Variants in GALNT13 observed in about 807,000 individuals in gnomAD.
The protein encoded by GALNT13 is UDP-GalNAc:polypeptide N-acetylgalactosaminyltransferase 13.
A neutral mutation model predicts 64.2 loss-of-function variants in GALNT13; 28 were observed. The observed-to-expected ratio is 0.44, with a 90% CI of 0.32 to 0.60. The LOEUF is 0.60. Among genes scored for constraint, GALNT13 ranks in the 20% least tolerant of loss-of-function variants. The probability of loss-of-function intolerance (pLI) is 0.05; values close to 1 mark genes in which losing one functional copy is unlikely to be tolerated. For synonymous variants in GALNT13, 214 were observed against 224.6 expected, an observed-to-expected ratio of 0.95 and a Z score of 0.42; for missense variants, 577 against 669.8, an observed-to-expected ratio of 0.86 and a Z score of 1.53.
At chr2:153,718,914 C>G in the GALNT13 span, among the ~76,000 whole-genome samples, 1 of 152,094 alleles carries the variant, frequency 6.6e-6, no homozygotes, top group Non-Finnish European at 1.5e-5. Context: ...CACTACATGT[C>G]TAATTAAACA....
At chr2:154,313,376 A>G (rs1253875519) in intron 9 of GALNT13, among the ~76,000 whole-genome samples, 1 of 148,088 alleles carries the variant, frequency 6.8e-6, no homozygotes, top group Non-Finnish European at 1.5e-5. Flanking sequence ...CTAGATATCT[A>G]TATACACTAT....
the GALNT13 span, among the ~76,000 whole-genome samples, chr2:153,565,767 A>G: frequency 6.6e-6 from 1 of 152,202 alleles, no homozygotes; most frequent in Non-Finnish European, 1.5e-5. Context: ...TATATACCCA[A>G]GTATGCACGT....
At chr2:154,046,950 T>A (rs74445691) in intron 3 of GALNT13, among the ~76,000 whole-genome samples, 4 of 146,620 alleles carry the variant, frequency 2.7e-5, no homozygotes, top group Non-Finnish European at 6.0e-5. Flanking sequence ...TTTTTTTTTT[T>A]ATGTCTGTCA....
intron 2 of GALNT13, among the ~76,000 whole-genome samples, chr2:153,941,222 C>G (rs1163548936): frequency 2.0e-5 from 3 of 152,136 alleles, no homozygotes; most frequent in East Asian, 3.9e-4. Flanking sequence ...TCTTGAACTT[C>G]TGACCTCAGA....
At chr2:153,993,112 T>C (rs1436114116) in intron 3 of GALNT13, among the ~76,000 whole-genome samples, 1 of 152,158 alleles carries the variant, frequency 6.6e-6, no homozygotes, top group East Asian at 1.9e-4. Flanking sequence ...TTACGACTAA[T>C]ATATTTTATA....
chr2:153,114,456 C>T, the GALNT13 span, among the ~76,000 whole-genome samples: 1 of 152,240 alleles, frequency 6.6e-6, no homozygotes, highest in South Asian at 2.1e-4. Flanking sequence ...GGAGTAGAAA[C>T]TATTGACTAA....
At chr2:153,892,852 C>G (rs1026811384) in intron 1 of GALNT13, among the ~76,000 whole-genome samples, 2 of 152,066 alleles carry the variant, frequency 1.3e-5, no homozygotes, top group African/African-American at 4.8e-5. Context: ...TAGCCAAATA[C>G]TCATTAAACC....
the GALNT13 span, among the ~76,000 whole-genome samples, chr2:153,657,828 A>G: frequency 6.6e-6 from 1 of 152,230 alleles, no homozygotes; most frequent in Admixed American, 6.6e-5. Flanking sequence ...CTGGGCTCTT[A>G]TTATCCCTTC....
rs529888276 is a variant in GALNT13 at position 153,981,364 on chromosome 2, C to T, written c.142+36725C>T. On this transcript the variant is annotated intron_variant, in intron 3 of 12. Coordinates refer to ENST00000392825, the MANE Select transcript of GALNT13 (RefSeq NM_052917.4). ...TATATCTCCTGATGCTATCCCTCCC[C>T]ACTCTGCCCACCCCATAACAGGCCC... Among the ~76,000 whole-genome samples, 15 of 152,218 alleles carry T rather than the reference C, an allele frequency of 9.9e-5. No homozygotes were observed. In the East Asian group the frequency reaches 1.7e-3, roughly 18 times the overall value.
the GALNT13 span, among the ~76,000 whole-genome samples, chr2:153,170,039 T>C: frequency 6.6e-6 from 1 of 152,208 alleles, no homozygotes; most frequent in Non-Finnish European, 1.5e-5. Context: ...GTATGAGTAA[T>C]TACAACTATT....
intron 3 of GALNT13, among the ~76,000 whole-genome samples, chr2:154,056,428 T>G (rs1699896498): frequency 6.6e-6 from 1 of 152,200 alleles, no homozygotes; most frequent in Admixed American, 6.5e-5. Flanking sequence ...ATGTAGTTAA[T>G]ACATTAGCTG....
chr2:154,191,507 A>G (rs968599346), intron 4 of GALNT13, among the ~76,000 whole-genome samples: 1 of 152,222 alleles, frequency 6.6e-6, no homozygotes, highest in African/African-American at 2.4e-5. Flanking sequence ...TCAGAGGGGT[A>G]ACATTTTATT....
At chr2:153,188,123 A>G in the GALNT13 span, among the ~76,000 whole-genome samples, 1 of 152,052 alleles carries the variant, frequency 6.6e-6, no homozygotes, top group African/African-American at 2.4e-5. Flanking sequence ...AATAGTAAAT[A>G]TTGTTTCCTT....
the GALNT13 span, among the ~76,000 whole-genome samples, chr2:153,211,769 C>T: frequency 6.6e-6 from 1 of 152,100 alleles, no homozygotes; most frequent in Non-Finnish European, 1.5e-5. Context: ...GCTTGGGAAG[C>T]ACTAGCTGAG....
At chr2:153,627,294 A>C in the GALNT13 span, among the ~76,000 whole-genome samples, 1 of 152,094 alleles carries the variant, frequency 6.6e-6, no homozygotes, top group Non-Finnish European at 1.5e-5. Context: ...AATATTAAAA[A>C]TTTCTGGTAT....
At chr2:154,087,358 A>G (rs189882275) in intron 3 of GALNT13, among the ~76,000 whole-genome samples, 10 of 152,082 alleles carry the variant, frequency 6.6e-5, no homozygotes, top group Admixed American at 1.3e-4. Flanking sequence ...TTAACCGAAG[A>G]CATGTTTGTA....
At chr2:153,868,713 G>A (rs1417812962), upstream of GALNT13, among the ~76,000 whole-genome samples, 1 of 152,126 alleles carries the variant, frequency 6.6e-6, no homozygotes. Context: ...CTGTAGCTAA[G>A]GCCCTATACA....
At chr2:153,398,088 A>G in the GALNT13 span, among the ~76,000 whole-genome samples, 5 of 105,520 alleles carry the variant, frequency 4.7e-5, no homozygotes, top group South Asian at 1.1e-3. Context: ...CTACCCCACA[A>G]CAGTCCCCAG....
intron 3 of GALNT13, 55 bp from the exon 4 acceptor site, chr2:154,140,282 T>A: frequency 1.6e-6 from 2 of 1,286,978 alleles, no homozygotes; most frequent in Non-Finnish European, 2.2e-6. Context: ...GTTTATTTAT[T>A]CAGTTCATTA....
Sources: allele counts gnomAD v4.1 joint callset (sites outside exome capture counted in the v4.1 genomes callset), GRCh38; gene constraint gnomAD v4.1.1; transcripts MANE v1.5; gene names NCBI Gene and HGNC (gene_info 2026-07-23, HGNC 2026-07-21).